The following PDSS2 variants were observed in gnomAD, a reference collection of about 807,000 sequenced individuals.
PDSS2 encodes decaprenyl diphosphate synthase subunit 2, also known as all trans-polyprenyl-diphosphate synthase PDSS2.
PDSS2 carries 31 observed loss-of-function variants against 44.5 expected under a neutral mutation model. The observed-to-expected ratio is 0.70, with a 90% CI of 0.52 to 0.94. The LOEUF is 0.94. Among genes scored for constraint, PDSS2 ranks in the 40% least tolerant of loss-of-function variants. PDSS2 has a pLI of 0.00. For missense variants in PDSS2, 452 were observed against 482.2 expected (o/e 0.94, Z 0.59); for synonymous variants, 157 against 180.3 (o/e 0.87, Z 1.03).
intron 1 of PDSS2, among the ~76,000 whole-genome samples, chr6:107,429,933 T>TAC (rs1781139034): frequency 1.9e-5 from 2 of 105,118 alleles, no homozygotes; most frequent in African/African-American, 6.9e-5. Flanking sequence ...TATATATATA[T>TAC]ATATACACCA....
chr6:107,457,221 A>C (rs1292620219), intron 1 of PDSS2, among the ~76,000 whole-genome samples: 3 of 152,210 alleles, frequency 2.0e-5, no homozygotes, highest in Admixed American at 1.3e-4. Flanking sequence ...AAGCAACATG[A>C]GGAATCCTTA....
chr6:107,271,541 T>C (rs758702358), intron 3 of PDSS2, among the ~76,000 whole-genome samples: 50 of 152,194 alleles, frequency 3.3e-4, no homozygotes, highest in Admixed American at 2.6e-4. Flanking sequence ...TTGCAGGCCA[T>C]GCATGGGCTA....
At chr6:107,326,543 T>C (rs896173283) in intron 2 of PDSS2, among the ~76,000 whole-genome samples, 5 of 151,914 alleles carry the variant, frequency 3.3e-5, no homozygotes, top group Non-Finnish European at 5.9e-5. Context: ...AGAAGTCACA[T>C]AGGTAATAAG....
rs560713359 is a variant in PDSS2 at position 107,269,149 on chromosome 6, C to T, written c.630+4880G>A. ...GTTGGTCAGGCTGGTCTCGAACTCC[C>T]GACCTCAGGTGATCTGCCTGCCTCA... On this transcript the variant is annotated intron_variant, in intron 3 of 7. Transcript: ENST00000369037. Among the ~76,000 whole-genome samples the T allele has an allele frequency of 2.6e-3, 396 of 151,944 alleles. 3 individuals are homozygous for T. The highest frequency in any genetic ancestry group is 9.1e-3 in the African/African-American group (378 of 41,440).
At chr6:107,284,060 TAAATAA>T (rs1210127774) in intron 2 of PDSS2, among the ~76,000 whole-genome samples, 2 of 150,464 alleles carry the variant, frequency 1.3e-5, no homozygotes, top group African/African-American at 4.9e-5. Context: ...AATAAATAAA[TAAATAA>T]AAATAAAATA....
chr6:107,422,476 T>C (rs1301832614), intron 1 of PDSS2, among the ~76,000 whole-genome samples: 1 of 152,014 alleles, frequency 6.6e-6, no homozygotes, highest in Admixed American at 6.6e-5. Flanking sequence ...GAAGGTATCC[T>C]AAGGAAATAA....
intron 1 of PDSS2, among the ~76,000 whole-genome samples, chr6:107,387,038 C>T (rs931740615): frequency 5.3e-5 from 8 of 152,216 alleles, no homozygotes; most frequent in Non-Finnish European, 1.0e-4. Flanking sequence ...CAAGCTGCTT[C>T]CTTCTCAAAT....
At chr6:107,322,488 C>T (rs1311626869) in intron 2 of PDSS2, among the ~76,000 whole-genome samples, 1 of 152,030 alleles carries the variant, frequency 6.6e-6, no homozygotes, top group Non-Finnish European at 1.5e-5. Flanking sequence ...CACTGTACTC[C>T]AGCCTGGGTG....
intron 1 of PDSS2, among the ~76,000 whole-genome samples, chr6:107,444,974 G>C (rs1202477506): frequency 6.6e-6 from 1 of 152,008 alleles, no homozygotes; most frequent in Non-Finnish European, 1.5e-5. Context: ...AATCCTAAAA[G>C]CCAAATCTGT....
intron 2 of PDSS2, among the ~76,000 whole-genome samples, chr6:107,288,542 C>T (rs1776231084): frequency 1.3e-5 from 2 of 151,910 alleles, no homozygotes; most frequent in Non-Finnish European, 2.9e-5. Context: ...TATTTTTGGA[C>T]GTTTAAACAG....
chr6:107,197,413 T>G (rs993801274), intron 6 of PDSS2, among the ~76,000 whole-genome samples: 2 of 140,596 alleles, frequency 1.4e-5, no homozygotes, highest in Non-Finnish European at 3.0e-5. Context: ...GAGGCTGCAG[T>G]GAGCTATGAT....
chr6:107,267,947 T>A (rs1562421256), intron 3 of PDSS2, among the ~76,000 whole-genome samples: 2 of 152,088 alleles, frequency 1.3e-5, no homozygotes, highest in East Asian at 1.9e-4. Flanking sequence ...CTTTAGCTTT[T>A]AAAAAAATAT....
At chr6:107,192,347 G>T in intron 7 of PDSS2, 2 of 513,516 alleles carry the variant, frequency 3.9e-6, no homozygotes, top group South Asian at 2.9e-5. Flanking sequence ...CAGCCTCTGA[G>T]ACCCCAAAAG....
At chr6:107,211,194 C>T (rs1408019042) in intron 5 of PDSS2, among the ~76,000 whole-genome samples, 1 of 151,558 alleles carries the variant, frequency 6.6e-6, no homozygotes, top group Non-Finnish European at 1.5e-5. Context: ...AAAAAGCTCA[C>T]CTGGAGATAT....
chr6:107,274,197 T>C lies in PDSS2; in HGVS notation c.462A>G (p.Leu154=), dbSNP rs753751642. 1.2e-6 allele frequency: 2 copies of C among 1,613,960 alleles called. No individual in the cohort carries two copies. Among genetic ancestry groups the C allele is most frequent in the South Asian group, 2.2e-5 (2 of 91,078 alleles). ...CQRSLAEITE[L]IHIALLVHRG... ...GATGTACAAGGAGAGCAATATGAATTAGCTCCGTGATCTCTGCCAAACTTC... is the reference window on the plus strand; with the variant it reads ...GATGTACAAGGAGAGCAATATGAATCAGCTCCGTGATCTCTGCCAAACTTC... The change falls in exon 3 of 8, where the codon CTA becomes CTG. Residue 154 remains leucine (L), a synonymous_variant. Transcript: ENST00000369037.
At chr6:107,240,688 G>T (rs555188648) in intron 4 of PDSS2, among the ~76,000 whole-genome samples, 1 of 150,690 alleles carries the variant, frequency 6.6e-6, no homozygotes, top group Admixed American at 6.6e-5. Flanking sequence ...GTGAGCCACC[G>T]CACCTGGCTG....
At chr6:107,289,308 G>A (rs1225043454) in intron 2 of PDSS2, among the ~76,000 whole-genome samples, 1 of 151,166 alleles carries the variant, frequency 6.6e-6, no homozygotes, top group Non-Finnish European at 1.5e-5. Context: ...GGGAGGCAGA[G>A]GTTGTAGTGA....
chr6:107,251,852 C>T (rs1237209044), intron 3 of PDSS2, among the ~76,000 whole-genome samples: 1 of 152,092 alleles, frequency 6.6e-6, no homozygotes, highest in Non-Finnish European at 1.5e-5. Context: ...GAAGCACAAA[C>T]TATTTGTGAG....
chr6:107,182,621 G>A (rs903138404), intron 7 of PDSS2, among the ~76,000 whole-genome samples: 3 of 151,946 alleles, frequency 2.0e-5, no homozygotes, highest in Non-Finnish European at 2.9e-5. Flanking sequence ...CACCACACCC[G>A]GCCTATAATT....
Sources: gnomAD v4.1 joint callset for allele counts (sites outside exome capture counted in the v4.1 genomes callset) on GRCh38, gnomAD v4.1.1 for gene constraint, MANE v1.5 for transcripts, NCBI Gene and HGNC (gene_info 2026-07-23, HGNC 2026-07-21) for gene names.